The following HDAC5 variants were observed in gnomAD, a reference collection of about 807,000 sequenced individuals.
The protein encoded by HDAC5 is antigen NY-CO-9.
HDAC5 carries 25 observed loss-of-function variants against 133.3 expected under a neutral mutation model. The observed-to-expected ratio is 0.19, with a 90% CI of 0.14 to 0.26. HDAC5 has a LOEUF of 0.26. Among genes scored for constraint, HDAC5 ranks in the 10% least tolerant of loss-of-function variants. HDAC5 has a pLI of 1.00. For synonymous variants in HDAC5, 589 were observed against 610.8 expected, an observed-to-expected ratio of 0.96 and a Z score of 0.53; for missense variants, 1,041 against 1,460.5, an observed-to-expected ratio of 0.71 and a Z score of 4.68.
At chr17:44,093,544 C>A (rs776251761) in intron 4 of HDAC5, 31 bp downstream of exon 4, 2 of 1,597,818 alleles carry the variant, frequency 1.3e-6, no homozygotes, top group Non-Finnish European at 1.7e-6. Flanking sequence ...GATCGGAGGT[C>A]TGGGCGGCCC....
rs774353556 is a variant in HDAC5 at position 44,080,372 on chromosome 17, T to G, written c.2825+29A>C. On this transcript the variant is annotated intron_variant, in intron 22 of 26. Coordinates refer to ENST00000682912, the MANE Select transcript of HDAC5 (RefSeq NM_005474.5). The stretch of plus-strand genomic sequence containing the variant: ...CTGCAGGGCCCAGAGGGGCTCCCAC[T>G]GACTACCATGGCCCTTTTCAGTCCC... 3.1e-6 allele frequency: 5 copies of G among 1,605,868 alleles called. No individual in the cohort carries two copies. The South Asian group carries it at 4.4e-5, about 14-fold the overall frequency.
chr17:44,096,716 T>A (rs1323757349), intron 3 of HDAC5, among the ~76,000 whole-genome samples: 11 of 152,068 alleles, frequency 7.2e-5, no homozygotes, highest in African/African-American at 1.2e-4. Context: ...CCTCAGGTGA[T>A]CCGCTCGCCT....
At position 44,079,270 on chromosome 17, in the gene HDAC5, G is replaced by C. The variant is rs768353776; in HGVS notation, c.2952C>G (p.Gly984=). The C allele has an allele frequency of 6.2e-7, 1 of 1,613,312 alleles. No homozygotes were observed. The highest frequency in any genetic ancestry group is 1.7e-5 in the Admixed American group (1 of 59,924). ...GGGTCATCAGCTGCCTGGTCAAGTG[G>C]CCAAAACCTTTGAGGATGGGTGAAG... The part of the protein sequence containing the change: ...GGYSVTARCF[G]HLTRQLMTLA... Residue 984 remains glycine, a synonymous_variant, in exon 24 of 27, where the codon GGC becomes GGG. Transcript: ENST00000682912.
At chr17:44,088,347 C>T in intron 12 of HDAC5, 40 bp downstream of exon 12, 1 of 1,539,078 alleles carries the variant, frequency 6.5e-7, no homozygotes. Context: ...TGTGTCCTGC[C>T]CCCACCACAG....
At chr17:44,094,898 C>A (rs765667242) in intron 3 of HDAC5, among the ~76,000 whole-genome samples, 1 of 152,030 alleles carries the variant, frequency 6.6e-6, no homozygotes, top group Non-Finnish European at 1.5e-5. Flanking sequence ...CGACCTCAAG[C>A]AACCCTCCCA....
chr17:44,086,193 C>A (rs1373419160), intron 14 of HDAC5, among the ~76,000 whole-genome samples: 1 of 152,200 alleles, frequency 6.6e-6, no homozygotes, highest in Non-Finnish European at 1.5e-5. Flanking sequence ...GTCTGTGTCC[C>A]CCCAGAGCCC....
rs1455160898 is a variant in HDAC5 at position 44,091,345 on chromosome 17, G to C, written c.1312C>G (p.Pro438Ala). ...LGVALEGDGS[P>A]HGHASLLQHV... ...TGCAGCAGGGAGGCATGCCCGTGGG[G>C]GCTCCCGTCGCCCTCCAGTGCCACG... The change falls in exon 11 of 27, where the codon CCC (proline) becomes GCC (alanine). Residue 438 changes from proline to alanine, a missense_variant. By Grantham distance (27) the Pro-to-Ala change is conservative. Around this residue, in one of 9 missense-constraint regions of HDAC5, gnomAD observed 433 missense variants for 531.6 expected, o/e 0.81. Transcript: ENST00000682912. The C allele has an allele frequency of 1.2e-6, 2 of 1,606,064 alleles. No homozygotes were observed. The highest frequency in any genetic ancestry group is 8.5e-7 in the Non-Finnish European group (1 of 1,176,546).
chr17:44,097,187 A>G (rs993081300), intron 3 of HDAC5, among the ~76,000 whole-genome samples: 1 of 152,276 alleles, frequency 6.6e-6, no homozygotes, highest in Non-Finnish European at 1.5e-5. Context: ...GGCCGAGGCC[A>G]AGGCCATGCC....
intron 2 of HDAC5, among the ~76,000 whole-genome samples, chr17:44,113,713 C>T (rs1269251474): frequency 6.6e-6 from 1 of 152,218 alleles, no homozygotes; most frequent in African/African-American, 2.4e-5. Context: ...AAAGGCTGCA[C>T]TCTGACCTCC....
intron 2 of HDAC5, among the ~76,000 whole-genome samples, chr17:44,114,437 T>TGG (rs34078340): frequency 1.0e-3 from 134 of 127,978 alleles, no homozygotes; most frequent in Middle Eastern, 4.2e-3. Flanking sequence ...AGAGCAGGCG[T>TGG]GGGGGGGGGG....
In HDAC5 at chr17:44,123,578, C is replaced by G. The variant is rs1342963251; in HGVS notation, c.-264G>C. The G allele has an allele frequency of 7.5e-6, 3 of 400,116 alleles. No individual in the cohort carries two copies. Among genetic ancestry groups the G allele is most frequent in the Non-Finnish European group, 1.3e-5 (3 of 227,938 alleles). 24.8% of individuals were successfully genotyped at this position (400,116 alleles called of 1,614,324 possible). A position where few individuals can be genotyped will look rare whatever the true frequency, so the allele number is the denominator to read the frequency against. ...GGCGGCAGCGGCGGCAGCACCTCCT[C>G]GACGGCTCCTCCATCTTTGCGGCGG... On this transcript the variant is annotated 5_prime_UTR_variant, in exon 1 of 27. Coordinates refer to ENST00000682912, the MANE Select transcript of HDAC5 (RefSeq NM_005474.5).
intron 20 of HDAC5, 107 bp downstream of exon 20, chr17:44,082,478 G>T (rs2050440957): frequency 4.7e-6 from 4 of 848,286 alleles, no homozygotes; most frequent in Non-Finnish European, 7.8e-6. Flanking sequence ...CGAGGATGAG[G>T]ACGACTGGGG....
At chr17:44,085,321 TC>T in intron 14 of HDAC5, 166 bp from the exon 15 acceptor site, 1 of 469,178 alleles carries the variant, frequency 2.1e-6, no homozygotes, top group Non-Finnish European at 3.5e-6. Context: ...CCCTCTCCTC[TC>T]CAGCTTTTTT....
Position 44,079,145 on chromosome 17 carries a change from T to G in HDAC5, c.3077A>C (p.Glu1026Ala). 6.2e-7 allele frequency: 1 copy of G among 1,613,020 alleles called. No homozygotes were observed. The highest frequency in any genetic ancestry group is 8.5e-7 in the Non-Finnish European group (1 of 1,179,502). ...EACVSALLSV[E>A]LQPLDEAVLQ... The stretch of plus-strand genomic sequence containing the variant: ...TCCCAGCTCCTTCCCACCCCTTACC[T>G]CTACACTGAGCAGAGCCGAGACACA... The change falls in exon 24 of 27, where the codon GAG becomes GCG. Residue 1026 changes from glutamate to alanine, a missense_variant and splice_region_variant. Coordinates refer to ENST00000682912, the MANE Select transcript of HDAC5 (RefSeq NM_005474.5).
intron 2 of HDAC5, among the ~76,000 whole-genome samples, chr17:44,113,240 C>G (rs964593678): frequency 2.0e-5 from 3 of 152,202 alleles, no homozygotes; most frequent in Non-Finnish European, 4.4e-5. Flanking sequence ...CCCCCAGAAC[C>G]TGGAGCACCC....
At chr17:44,086,488 C>G (rs1162466237) in intron 14 of HDAC5, 84 bp downstream of exon 14, 28 of 1,181,066 alleles carry the variant, frequency 2.4e-5, no homozygotes, top group Non-Finnish European at 2.8e-5. Context: ...GCCCCAGCAG[C>G]CTCTTCCCCC....
At position 44,117,626 on chromosome 17, in the gene HDAC5, G is replaced by C; in HGVS notation, c.-111C>G. The stretch of plus-strand genomic sequence containing the variant: ...TAACAGACAGACGGACGGGACGGGA[G>C]CCCGGGGCCGCCGTGCCTCTAATGC... On this transcript the variant is annotated 5_prime_UTR_variant, in exon 2 of 27. Coordinates refer to ENST00000682912, the MANE Select transcript of HDAC5 (RefSeq NM_005474.5). This position sits in a 1 kb window ranked among gnomAD's most constrained non-coding sequence, Gnocchi z 4.2. 7.7e-7 allele frequency: 1 copy of C among 1,301,816 alleles called. No homozygotes were observed. The highest frequency in any genetic ancestry group is 1.2e-5 in the South Asian group (1 of 84,342). 80.6% of individuals were successfully genotyped at this position (1,301,816 alleles called of 1,614,324 possible).
intron 14 of HDAC5, 161 bp from the exon 15 acceptor site, chr17:44,085,316 T>G: frequency 1.2e-5 from 6 of 510,422 alleles, no homozygotes; most frequent in South Asian, 4.8e-5. Flanking sequence ...CTGCCCCCTC[T>G]CCTCTCCAGC....
In HDAC5 at chr17:44,086,582, G is replaced by A; in HGVS notation, c.2040C>T (p.Leu680=). 7.7e-7 allele frequency: 1 copy of A among 1,303,984 alleles called. No homozygotes were observed. Among genetic ancestry groups the A allele is most frequent in the Non-Finnish European group, 9.8e-7 (1 of 1,018,476 alleles). The allele number at this position is 1,303,984 out of a possible 1,614,324, so 80.8% of individuals were successfully genotyped here. The change falls in exon 14 of 27, where the codon CTC becomes CTT. Residue 680 remains leucine, a synonymous_variant. Transcript: ENST00000682912. ...KSPPDQPVKH[L]FTTGVVYDTF... is the part of the protein sequence containing the mutation. ...TTGGTGGGGGCTCACCTGTGGTGAA[G>A]AGGTGCTTGACGGGCTGGTCTGGGG... is the stretch of plus-strand genomic sequence containing the variant.
Sources: allele counts gnomAD v4.1 joint callset (sites outside exome capture counted in the v4.1 genomes callset), GRCh38; gene constraint gnomAD v4.1.1; regional missense constraint gnomAD v4.1.1; non-coding constraint Gnocchi (gnomAD v3.1); transcripts MANE v1.5; gene names NCBI Gene and HGNC (gene_info 2026-07-23, HGNC 2026-07-21).